WDHD1: variants seen among roughly 807,000 people sequenced by gnomAD.
WDHD1 encodes WD repeat and HMG-box DNA binding protein 1, also known as WD repeat and HMG-box DNA-binding protein 1.
Under a neutral mutation model 135.4 loss-of-function variants are expected in WDHD1, and 111 were observed. That is an observed-to-expected ratio of 0.82 (90% CI 0.70 to 0.96). The LOEUF (loss-of-function observed/expected upper bound fraction) is 0.96. Ranked by LOEUF, WDHD1 falls within the 40% of genes least tolerant of loss-of-function variation. The probability of loss-of-function intolerance (pLI) is 0.00; values close to 1 mark genes in which losing one functional copy is unlikely to be tolerated. For synonymous variants in WDHD1, 434 were observed against 439.0 expected, an observed-to-expected ratio of 0.99 and a Z score of 0.14; for missense variants, 1,351 against 1,336.3, an observed-to-expected ratio of 1.01 and a Z score of -0.17.
At chr14:54,985,114 C>T (rs747422541) in intron 14 of WDHD1, among the ~76,000 whole-genome samples, 5 of 152,142 alleles carry the variant, frequency 3.3e-5, no homozygotes, top group Non-Finnish European at 5.9e-5. Flanking sequence ...GCTTACTACA[C>T]GCCAGCATTG....
intron 18 of WDHD1, among the ~76,000 whole-genome samples, chr14:54,963,459 C>T (rs780218124): frequency 1.3e-5 from 2 of 152,098 alleles, no homozygotes; most frequent in Non-Finnish European, 2.9e-5. Flanking sequence ...TGAAATATTA[C>T]ATACCACTTT....
intron 12 of WDHD1, among the ~76,000 whole-genome samples, chr14:54,990,138 T>C (rs961701710): frequency 1.3e-5 from 2 of 152,164 alleles, no homozygotes; most frequent in African/African-American, 4.8e-5. Flanking sequence ...TGATGACTAC[T>C]GATAGCAATA....
chr14:54,982,067 C>A (rs1467412173), intron 15 of WDHD1, among the ~76,000 whole-genome samples: 1 of 151,666 alleles, frequency 6.6e-6, no homozygotes, highest in African/African-American at 2.4e-5. Flanking sequence ...AGGGCAGTGG[C>A]GCGATCTCGG....
chr14:54,965,244 A>T (rs2041322147), intron 18 of WDHD1, among the ~76,000 whole-genome samples: 1 of 152,242 alleles, frequency 6.6e-6, no homozygotes, highest in South Asian at 2.1e-4. Flanking sequence ...AGTCTAGTGT[A>T]AGACAAATAA....
rs147072401 is a variant in WDHD1, at chr14:54,958,562, T to C, written c.2702-927A>G. 2.3e-3 allele frequency among the ~76,000 whole-genome samples: 358 copies of C among 152,374 alleles called. 2 individuals are homozygous for C. Among genetic ancestry groups the C allele is most frequent in the African/African-American group, 8.1e-3 (338 of 41,590 alleles). ...TCTTGCTAAGGCCCTCAGTGATCTCTACATTGTCAAATCTGGTGGATACCT... is the reference window on the plus strand; with the variant it reads ...TCTTGCTAAGGCCCTCAGTGATCTCCACATTGTCAAATCTGGTGGATACCT... On this transcript the variant is annotated intron_variant, in intron 21 of 25. Coordinates refer to ENST00000360586, the MANE Select transcript of WDHD1 (RefSeq NM_007086.4).
At chr14:55,000,391 T>C (rs569841083) in intron 10 of WDHD1, 112 bp downstream of exon 10, 57 of 1,138,320 alleles carry the variant, frequency 5.0e-5, no homozygotes, top group Non-Finnish European at 6.6e-5. Flanking sequence ...GCATCTACTA[T>C]AGTAACATGA....
At chr14:54,989,986 C>T (rs1351339284) in intron 12 of WDHD1, among the ~76,000 whole-genome samples, 1 of 152,074 alleles carries the variant, frequency 6.6e-6, no homozygotes, top group African/African-American at 2.4e-5. Context: ...ATTGATACCA[C>T]TTGGAAAACT....
At position 55,004,838 on chromosome 14, in the gene WDHD1, A is replaced by G. The variant is rs568977047; in HGVS notation, c.600+2442T>C. On this transcript the variant is annotated intron_variant, in intron 7 of 25. Coordinates refer to ENST00000360586, the MANE Select transcript of WDHD1 (RefSeq NM_007086.4). ...TTAAGATCACTCAGTGGTTGTTCCTATGCATTCAGTGGTCTGAGCAGTGGG... is the reference window on the plus strand; with the variant it reads ...TTAAGATCACTCAGTGGTTGTTCCTGTGCATTCAGTGGTCTGAGCAGTGGG... 1.7e-3 allele frequency: 868 copies of G among 501,010 alleles called. 15 individuals are homozygous for G. The highest frequency in any genetic ancestry group is 0.012 in the South Asian group (842 of 68,708). The allele number at this position is 501,010 out of a possible 1,614,324, so 31.0% of individuals were successfully genotyped here.
intron 24 of WDHD1, among the ~76,000 whole-genome samples, chr14:54,951,944 T>A (rs2041063759): frequency 6.6e-6 from 1 of 152,154 alleles, no homozygotes; most frequent in Admixed American, 6.6e-5. Context: ...TCAACAACGC[T>A]TCATGCTAAA....
intron 7 of WDHD1, among the ~76,000 whole-genome samples, chr14:55,004,411 T>C (rs2042029602): frequency 6.6e-6 from 1 of 152,212 alleles, no homozygotes; most frequent in Non-Finnish European, 1.5e-5. Context: ...TTCAAAACTT[T>C]TCATTTTCCA....
intron 16 of WDHD1, among the ~76,000 whole-genome samples, chr14:54,969,896 T>TA (rs2041404126): frequency 6.6e-6 from 1 of 152,194 alleles, no homozygotes; most frequent in African/African-American, 2.4e-5. Context: ...TGGTTCAACA[T>TA]ATGCAAATCA....
At chr14:54,964,871 T>G (rs948302555) in intron 18 of WDHD1, among the ~76,000 whole-genome samples, 1 of 152,198 alleles carries the variant, frequency 6.6e-6, no homozygotes, top group Non-Finnish European at 1.5e-5. Context: ...AGCAAATACA[T>G]GAAATATGTT....
intron 2 of WDHD1, among the ~76,000 whole-genome samples, chr14:55,023,080 C>G (rs932026521): frequency 1.8e-4 from 27 of 152,210 alleles, no homozygotes; most frequent in African/African-American, 6.3e-4. Context: ...TCCCAAAATG[C>G]TGGGATTACA....
At chr14:54,988,817 T>G (rs1202659868) in intron 13 of WDHD1, among the ~76,000 whole-genome samples, 1 of 151,976 alleles carries the variant, frequency 6.6e-6, no homozygotes. Context: ...CATTTTGCTA[T>G]GTAGTTAGAG....
Position 54,995,583 on chromosome 14 carries a change from G to A in WDHD1, c.1153+20C>T. 2 of 1,557,888 alleles carry A rather than the reference G, an allele frequency of 1.3e-6. No individual in the cohort carries two copies. The highest frequency in any genetic ancestry group is 1.2e-5 in the South Asian group (1 of 83,282). On this transcript the variant is annotated intron_variant, in intron 11 of 25. Transcript: ENST00000360586. ...ATATTAATCAACAGGGTAATCACAT[G>A]CACAAAGTCAAATTCTTACCAACTG...
chr14:54,955,518 T>A (rs2140159025), intron 24 of WDHD1, 43 bp downstream of exon 24: 1 of 1,463,358 alleles, frequency 6.8e-7, no homozygotes, highest in African/African-American at 1.5e-5. Flanking sequence ...TACTGTATAC[T>A]TTTTACTTGG....
intron 21 of WDHD1, among the ~76,000 whole-genome samples, chr14:54,960,611 T>C (rs943656822): frequency 8.6e-5 from 13 of 151,826 alleles, no homozygotes; most frequent in African/African-American, 3.1e-4. Flanking sequence ...GCAATTCTCC[T>C]GCCTCAGCCT....
rs556242806 is a variant in WDHD1 at position 54,965,956 on chromosome 14, A to T, written c.2310+519T>A. On this transcript the variant is annotated intron_variant, in intron 18 of 25. Coordinates refer to ENST00000360586, the MANE Select transcript of WDHD1 (RefSeq NM_007086.4). ...GAGAAACAAGAGCGAAACTCCGCCTAAAAAAAAAAAAAGAAAAAAATTTTA... is the reference window on the plus strand; with the variant it reads ...GAGAAACAAGAGCGAAACTCCGCCTTAAAAAAAAAAAAGAAAAAAATTTTA... Among the ~76,000 whole-genome samples, 265 of 119,568 alleles carry T rather than the reference A, an allele frequency of 2.2e-3. 1 individual carries two copies. Among genetic ancestry groups the T allele is most frequent in the African/African-American group, 0.014 (256 of 18,558 alleles). 78.4% of individuals were successfully genotyped at this position (119,568 alleles called of 152,430 possible).
At chr14:54,967,434 CAT>C in intron 16 of WDHD1, 40 bp from the exon 17 acceptor site, 1 of 1,485,852 alleles carries the variant, frequency 6.7e-7, no homozygotes, top group Non-Finnish European at 9.2e-7. Flanking sequence ...AATTTACTAA[CAT>C]GTCATAAAAA....
Sources: allele counts gnomAD v4.1 joint callset (sites outside exome capture counted in the v4.1 genomes callset), GRCh38; gene constraint gnomAD v4.1.1; transcripts MANE v1.5; gene names NCBI Gene and HGNC (gene_info 2026-07-23, HGNC 2026-07-21).